The following ATG7 variants were observed in gnomAD, a reference collection of about 807,000 sequenced individuals.
The protein encoded by ATG7 is autophagy related 7, also known as ubiquitin-like modifier-activating enzyme ATG7.
In ATG7, 70 loss-of-function variants were observed where a neutral mutation model predicts 82.4. The observed-to-expected ratio is 0.85, with a 90% CI of 0.70 to 1.04. The LOEUF (loss-of-function observed/expected upper bound fraction) is 1.04, where lower values mean the gene tolerates loss of function less well. ATG7 is among the 50% of genes least tolerant of loss of function. The pLI is 0.00. For synonymous variants in ATG7, 287 were observed against 313.0 expected, an observed-to-expected ratio of 0.92 and a Z score of 0.88; for missense variants, 792 against 864.3, an observed-to-expected ratio of 0.92 and a Z score of 1.05.
At chr3:11,478,143 C>T (rs2088477917) in intron 20 of ATG7, among the ~76,000 whole-genome samples, 1 of 152,122 alleles carries the variant, frequency 6.6e-6, no homozygotes, top group African/African-American at 2.4e-5. Flanking sequence ...TTGTTAGAGA[C>T]ATTATTAGTA....
At chr3:11,463,415 G>A (rs1180528935) in intron 20 of ATG7, among the ~76,000 whole-genome samples, 1 of 152,132 alleles carries the variant, frequency 6.6e-6, no homozygotes. Context: ...CAGTCTTGTT[G>A]AACCAATTGG....
At chr3:11,478,616 A>G (rs2088541995) in intron 20 of ATG7, among the ~76,000 whole-genome samples, 1 of 152,214 alleles carries the variant, frequency 6.6e-6, no homozygotes, top group Non-Finnish European at 1.5e-5. Flanking sequence ...TCCATATTAG[A>G]ATCTGCAAGT....
the ATG7 span, among the ~76,000 whole-genome samples, chr3:11,574,835 G>GTGTA: frequency 7.0e-6 from 1 of 142,712 alleles, no homozygotes; most frequent in Non-Finnish European, 1.5e-5. Context: ...GTGTGTGTGT[G>GTGTA]TGTATTTTAA....
intron 7 of ATG7, among the ~76,000 whole-genome samples, chr3:11,309,711 A>G (rs1030302772): frequency 2.0e-5 from 3 of 152,160 alleles, no homozygotes; most frequent in Non-Finnish European, 2.9e-5. Context: ...TACCAGTTAT[A>G]CACAGGCACG....
intron 20 of ATG7, among the ~76,000 whole-genome samples, chr3:11,548,642 T>G (rs1248182578): frequency 1.3e-5 from 2 of 152,214 alleles, no homozygotes; most frequent in Non-Finnish European, 1.5e-5. Flanking sequence ...ACTCTGCATT[T>G]CTTTCTTCTT....
intron 19 of ATG7, among the ~76,000 whole-genome samples, chr3:11,410,128 G>A (rs2080757125): frequency 6.6e-6 from 1 of 152,134 alleles, no homozygotes; most frequent in South Asian, 2.1e-4. Context: ...TGATGTGATT[G>A]CATTGACTCT....
chr3:11,521,204 G>A (rs1328355093), intron 20 of ATG7, among the ~76,000 whole-genome samples: 1 of 152,182 alleles, frequency 6.6e-6, no homozygotes, highest in Non-Finnish European at 1.5e-5. Context: ...GGTTGCCATA[G>A]GCAGCCATGA....
At chr3:11,509,378 C>A (rs2091925473) in intron 20 of ATG7, among the ~76,000 whole-genome samples, 1 of 151,750 alleles carries the variant, frequency 6.6e-6, no homozygotes, top group African/African-American at 2.4e-5. Context: ...TCTGATGCAA[C>A]ATGAATTTCA....
chr3:11,562,551 A>G (rs1366272180), downstream of ATG7, among the ~76,000 whole-genome samples: 1 of 152,236 alleles, frequency 6.6e-6, no homozygotes, highest in African/African-American at 2.4e-5. Flanking sequence ...ACTTCCAGGA[A>G]GAGACCTCGG....
Position 11,547,207 on chromosome 3 carries a change from C to T in ATG7, c.2080-7604C>T, listed in dbSNP as rs547946320. ...GAGAGAAAGTGGAAAAGGCCTCTTC[C>T]TTCGCCCTTGCTAGCTTGGTCTCCT... is the stretch of plus-strand genomic sequence containing the variant. On this transcript the variant is annotated intron_variant, in intron 20 of 20. Transcript: ENST00000693202. 2.0e-5 allele frequency among the ~76,000 whole-genome samples: 3 copies of T among 152,318 alleles called. No individual in the cohort carries two copies. The South Asian group carries it at 6.2e-4, about 32-fold the overall frequency.
At chr3:11,306,640 A>G (rs1947791903) in intron 5 of ATG7, among the ~76,000 whole-genome samples, 1 of 152,110 alleles carries the variant, frequency 6.6e-6, no homozygotes. Flanking sequence ...AACAAACAAT[A>G]TTTCCCTCAG....
At chr3:11,284,939 C>G (rs913321071) in intron 3 of ATG7, among the ~76,000 whole-genome samples, 1 of 151,318 alleles carries the variant, frequency 6.6e-6, no homozygotes, top group Non-Finnish European at 1.5e-5. Context: ...CTCCGCCTCC[C>G]GGGTTCACGC....
At chr3:11,496,180 G>C (rs1400434817) in intron 20 of ATG7, among the ~76,000 whole-genome samples, 1 of 152,212 alleles carries the variant, frequency 6.6e-6, no homozygotes, top group Non-Finnish European at 1.5e-5. Flanking sequence ...AACATCCACA[G>C]AGAAAGGGTT....
chr3:11,564,574 G>A, the ATG7 span, among the ~76,000 whole-genome samples: 26 of 150,920 alleles, frequency 1.7e-4, no homozygotes, highest in African/African-American at 2.9e-4. Context: ...GGCAAGGCCC[G>A]GGCAGGTCTG....
intron 20 of ATG7, among the ~76,000 whole-genome samples, chr3:11,472,014 G>A (rs2087596424): frequency 6.6e-6 from 1 of 152,046 alleles, no homozygotes; most frequent in Non-Finnish European, 1.5e-5. Flanking sequence ...TGGGATTACA[G>A]GCGTGAGCCA....
At chr3:11,278,723 A>G (rs542151888) in intron 1 of ATG7, among the ~76,000 whole-genome samples, 1 of 152,366 alleles carries the variant, frequency 6.6e-6, no homozygotes, top group African/African-American at 2.4e-5. Flanking sequence ...GGTGCTAGAA[A>G]AACAATGATG....
At chr3:11,370,454 C>T (rs188055651) in intron 18 of ATG7, among the ~76,000 whole-genome samples, 3 of 151,190 alleles carry the variant, frequency 2.0e-5, no homozygotes, top group African/African-American at 7.3e-5. Flanking sequence ...TGGCATTGAA[C>T]TTGATTAAGA....
At chr3:11,305,953 C>T (rs377169172) in intron 5 of ATG7, among the ~76,000 whole-genome samples, 22 of 152,300 alleles carry the variant, frequency 1.4e-4, no homozygotes, top group African/African-American at 4.8e-4. Context: ...GCATTAGCTG[C>T]GACAACATTA....
chr3:11,286,583 C>CTTTTTTTTTTT (rs5846700), intron 3 of ATG7, among the ~76,000 whole-genome samples: 11 of 66,972 alleles, frequency 1.6e-4, no homozygotes, highest in African/African-American at 3.4e-4. Context: ...TTCTTTCTTT[C>CTTTTTTTTTTT]TTTTTTTTTT....
Sources: allele counts gnomAD v4.1 joint callset (sites outside exome capture counted in the v4.1 genomes callset), GRCh38; gene constraint gnomAD v4.1.1; transcripts MANE v1.5; gene names NCBI Gene and HGNC (gene_info 2026-07-23, HGNC 2026-07-21).